SBF2: variants seen among roughly 807,000 people sequenced by gnomAD.
SBF2 encodes the protein myotubularin-related protein 13.
Under a neutral mutation model 225.2 loss-of-function variants are expected in SBF2, and 112 were observed. That is an observed-to-expected ratio of 0.50 (90% confidence interval 0.43 to 0.58). SBF2 has a LOEUF of 0.58. Among genes scored for constraint, SBF2 ranks in the 20% least tolerant of loss-of-function variants. The pLI is 0.00. For missense variants in SBF2, 1,996 were observed against 2,206.2 expected (o/e 0.90, Z 1.91); for synonymous variants, 763 against 773.3 (o/e 0.99, Z 0.22).
intron 1 of SBF2, among the ~76,000 whole-genome samples, chr11:10,289,300 G>T (rs928336917): frequency 6.6e-6 from 1 of 152,132 alleles, no homozygotes; most frequent in Non-Finnish European, 1.5e-5. Flanking sequence ...TGTGTGGGGT[G>T]GGGGGGCCTC....
At chr11:10,007,838 T>A (rs992994343) in intron 6 of SBF2, among the ~76,000 whole-genome samples, 9 of 152,166 alleles carry the variant, frequency 5.9e-5, no homozygotes, top group Admixed American at 4.6e-4. Context: ...GTGGACCCAC[T>A]AGAAACCAGA....
chr11:10,302,249 G>A (rs1964605474), intron 1 of SBF2, among the ~76,000 whole-genome samples: 1 of 152,064 alleles, frequency 6.6e-6, no homozygotes, highest in Admixed American at 6.5e-5. Flanking sequence ...GAGATTTCAC[G>A]AGAAAAAACA....
chr11:10,168,541 T>G (rs1033690610), intron 2 of SBF2, among the ~76,000 whole-genome samples: 3 of 152,190 alleles, frequency 2.0e-5, no homozygotes, highest in Admixed American at 1.3e-4. Context: ...CTATGCGAGA[T>G]GAAATTACAG....
intron 8 of SBF2, among the ~76,000 whole-genome samples, chr11:9,999,810 G>GA (rs1947877161): frequency 6.6e-6 from 1 of 152,160 alleles, no homozygotes; most frequent in Non-Finnish European, 1.5e-5. Flanking sequence ...CTATACGAAT[G>GA]AAAGTCCTGC....
intron 1 of SBF2, among the ~76,000 whole-genome samples, chr11:10,262,090 T>C (rs548213017): frequency 2.0e-5 from 3 of 152,064 alleles, no homozygotes; most frequent in Admixed American, 1.3e-4. Flanking sequence ...TATGTGAACA[T>C]TGCATCAAAA....
intron 16 of SBF2, among the ~76,000 whole-genome samples, chr11:9,913,639 T>A (rs1197351936): frequency 9.9e-6 from 1 of 101,196 alleles, no homozygotes; most frequent in Non-Finnish European, 2.1e-5. Flanking sequence ...ATAGCTGAGA[T>A]TAAAAAAATA....
chr11:9,789,412 C>T, intron 34 of SBF2, 70 bp from the exon 35 acceptor site: 1 of 1,097,972 alleles, frequency 9.1e-7, no homozygotes, highest in Admixed American at 1.7e-5. Context: ...TCAGGCAAAC[C>T]CCTAACATTT....
chr11:9,808,634 A>G, intron 31 of SBF2: 1 of 430,586 alleles, frequency 2.3e-6, no homozygotes, highest in Non-Finnish European at 4.3e-6. Flanking sequence ...CACGCCTCAC[A>G]CTGCTGGTCA....
chr11:10,072,161 A>G lies in SBF2; in HGVS notation c.142-29180T>C, dbSNP rs867369927. 2.4e-4 allele frequency among the ~76,000 whole-genome samples: 37 copies of G among 152,340 alleles called. No homozygotes were observed. The Middle Eastern group carries it at 0.031, about 126-fold the overall frequency. On this transcript the variant is annotated intron_variant, in intron 2 of 39. Coordinates refer to ENST00000256190, the MANE Select transcript of SBF2 (RefSeq NM_030962.4). ...CTTACCTAGATTCACTAATTGCCAA[A>G]TAAGTCACCACATAAAAATACCTAA...
At chr11:10,014,505 TAAAAA>T (rs1181315538) in intron 6 of SBF2, among the ~76,000 whole-genome samples, 25 of 70,806 alleles carry the variant, frequency 3.5e-4, no homozygotes, top group Non-Finnish European at 6.0e-4. Flanking sequence ...CCATTTCAAC[TAAAAA>T]AAAAAAAAAA....
chr11:10,030,901 A>ATTTC (rs1949227764), intron 4 of SBF2, 147 bp downstream of exon 4: 2 of 662,278 alleles, frequency 3.0e-6, no homozygotes, highest in African/African-American at 3.6e-5. Context: ...ACATGAAAAT[A>ATTTC]TTTCTTCTGT....
Position 9,901,889 on chromosome 11 carries a change from C to T in SBF2, c.1861-5878G>A, listed in dbSNP as rs758814719. Among the ~76,000 whole-genome samples the T allele has an allele frequency of 4.6e-5, 7 of 152,154 alleles. No individual in the cohort carries two copies. The South Asian group carries it at 1.4e-3, about 31-fold the overall frequency. ...CAAACTCCTGAACTCAAGTGATCCT[C>T]CCACATTTGGCCTCCCAAAGTGCTG... On this transcript the variant is annotated intron_variant, in intron 16 of 39. Transcript: ENST00000256190.
intron 2 of SBF2, among the ~76,000 whole-genome samples, chr11:10,109,556 G>C (rs1187152017): frequency 6.6e-5 from 10 of 152,176 alleles, no homozygotes. Context: ...GGCTGAGGGA[G>C]GCACTCAGTG....
chr11:9,818,939 C>T (rs1214259361), intron 28 of SBF2, among the ~76,000 whole-genome samples: 1 of 152,074 alleles, frequency 6.6e-6, no homozygotes, highest in Non-Finnish European at 1.5e-5. Context: ...TCAGGCTGGT[C>T]TTGAACTCCC....
At chr11:10,011,796 C>T (rs548583169) in intron 6 of SBF2, among the ~76,000 whole-genome samples, 1 of 152,288 alleles carries the variant, frequency 6.6e-6, no homozygotes, top group South Asian at 2.1e-4. Context: ...TTGCCTTTCA[C>T]CAGTTTCACA....
At chr11:10,101,259 G>T (rs973141412) in intron 2 of SBF2, among the ~76,000 whole-genome samples, 1 of 152,090 alleles carries the variant, frequency 6.6e-6, no homozygotes, top group Non-Finnish European at 1.5e-5. Context: ...ATCCCTCCCC[G>T]CCTGGAGTGA....
rs752448447 is a variant in SBF2, at chr11:9,842,841, T to C, written c.3111-71A>G. ...ACTACTTGTATTGTTGACACCTACT[T>C]AGCTCAAATTGTTTCTTCTCCTTTC... is the stretch of plus-strand genomic sequence containing the variant. On this transcript the variant is annotated intron_variant, in intron 24 of 39. Transcript: ENST00000256190. The C allele has an allele frequency of 2.5e-4, 378 of 1,493,864 alleles. 2 individuals are homozygous for C. Among genetic ancestry groups the C allele is most frequent in the Non-Finnish European group, 3.3e-4 (360 of 1,076,502 alleles). The allele number at this position is 1,493,864 out of a possible 1,614,324, so 92.5% of individuals were successfully genotyped here. A position where few individuals can be genotyped will look rare whatever the true frequency, so the allele number is the denominator to read the frequency against.
chr11:10,171,309 G>A (rs1459353610), intron 2 of SBF2, among the ~76,000 whole-genome samples: 2 of 152,098 alleles, frequency 1.3e-5, no homozygotes, highest in African/African-American at 4.8e-5. Flanking sequence ...GTTAAGGTAT[G>A]TTCCTTCTAT....
chr11:9,783,230 G>T (rs1164995984), intron 38 of SBF2: 1 of 152,118 alleles, frequency 6.6e-6, no homozygotes, highest in Non-Finnish European at 1.5e-5. Flanking sequence ...TCAGAGTATA[G>T]CTCCCTAACA....
Sources: allele counts gnomAD v4.1 joint callset (sites outside exome capture counted in the v4.1 genomes callset), GRCh38; gene constraint gnomAD v4.1.1; transcripts MANE v1.5; gene names NCBI Gene and HGNC (gene_info 2026-07-23, HGNC 2026-07-21).